GRID2: variants seen among roughly 807,000 people sequenced by gnomAD.
GRID2 encodes glutamate receptor ionotropic, delta-2.
A neutral mutation model predicts 114.8 loss-of-function variants in GRID2; 33 were observed. The observed-to-expected ratio is 0.29, with a 90% CI of 0.22 to 0.38. The LOEUF is 0.38. GRID2 is among the 10% of genes least tolerant of loss of function. The pLI is 1.00. For missense variants in GRID2, 1,184 were observed against 1,257.7 expected (o/e 0.94, Z 0.89); for synonymous variants, 505 against 449.9 (o/e 1.12, Z -1.55).
chr4:92,981,098 C>T (rs1007728262), intron 2 of GRID2, among the ~76,000 whole-genome samples: 1 of 151,982 alleles, frequency 6.6e-6, no homozygotes, highest in African/African-American at 2.4e-5. Context: ...ATTACCCATG[C>T]CTCAATACCA....
intron 2 of GRID2, among the ~76,000 whole-genome samples, chr4:92,743,481 C>A (rs998123942): frequency 6.6e-6 from 1 of 152,084 alleles, no homozygotes; most frequent in Admixed American, 6.6e-5. Context: ...AGTTGACAGC[C>A]AATGCTATGT....
rs552724907 is a variant in GRID2, at chr4:93,725,619, A to G, written c.2361-43591A>G. On this transcript the variant is annotated intron_variant, in intron 14 of 15. Transcript: ENST00000282020. ...CCACCAACAGTGTAAAAGTGTTCCT[A>G]TTTCTCCACATCCTCTCCAGCACCT... Among the ~76,000 whole-genome samples the G allele has an allele frequency of 5.5e-4, 82 of 149,464 alleles. 1 individual carries two copies. The highest frequency in any genetic ancestry group is 1.9e-4 in the East Asian group (1 of 5,188).
In GRID2 at chr4:93,497,633, G is replaced by T. The variant is rs1218577773; in HGVS notation, c.1997+6856G>T. Among the ~76,000 whole-genome samples the T allele has an allele frequency of 2.6e-5, 4 of 151,096 alleles. No homozygotes were observed. The East Asian group carries it at 5.9e-4, about 22-fold the overall frequency. ...TATCCTTTCTTCATTGAATTGTTTT[G>T]CACCTTTGTACAAAAAAAAAAATCT... On this transcript the variant is annotated intron_variant, in intron 12 of 15. Coordinates refer to ENST00000282020, the MANE Select transcript of GRID2 (RefSeq NM_001510.4).
At chr4:93,439,253 G>A (rs149827691) in intron 10 of GRID2, among the ~76,000 whole-genome samples, 2,327 of 152,122 alleles carry the variant, frequency 0.015, 19 homozygotes, top group South Asian at 0.055. Flanking sequence ...CTGAGGAATC[G>A]CCACACTGAC....
At chr4:92,405,473 A>T (rs1260127415) in intron 1 of GRID2, among the ~76,000 whole-genome samples, 1 of 152,196 alleles carries the variant, frequency 6.6e-6, no homozygotes, top group Non-Finnish European at 1.5e-5. Context: ...TAGAAAAGAA[A>T]AAAGTAATAT....
chr4:93,536,119 GC>G (rs1732041789), intron 13 of GRID2, among the ~76,000 whole-genome samples: 1 of 151,892 alleles, frequency 6.6e-6, no homozygotes, highest in Non-Finnish European at 1.5e-5. Flanking sequence ...TTGTTTAAAT[GC>G]CCGTAGTACC....
At chr4:92,932,485 T>C (rs1224710577) in intron 2 of GRID2, among the ~76,000 whole-genome samples, 1 of 151,322 alleles carries the variant, frequency 6.6e-6, no homozygotes, top group Non-Finnish European at 1.5e-5. Context: ...AAAATGTATG[T>C]GAAATAGTAC....
rs151323259 is a variant in GRID2, at chr4:93,515,780, C to A, written c.2193+369C>A. Among the ~76,000 whole-genome samples, 291 of 152,268 alleles carry A rather than the reference C, an allele frequency of 1.9e-3. 1 individual carries two copies. The East Asian group carries it at 0.038, about 20-fold the overall frequency. ...TAAATGACTCAGGGTATTTTCTACACTACACTTGTTTTTGGATTAAACCGT... is the reference window on the plus strand; with the variant it reads ...TAAATGACTCAGGGTATTTTCTACAATACACTTGTTTTTGGATTAAACCGT... On this transcript the variant is annotated intron_variant, in intron 13 of 15. Transcript: ENST00000282020.
intron 1 of GRID2, among the ~76,000 whole-genome samples, chr4:92,449,383 G>A (rs1366904405): frequency 6.6e-6 from 1 of 151,890 alleles, no homozygotes; most frequent in Non-Finnish European, 1.5e-5. Flanking sequence ...TATAAAATAT[G>A]ATAGTTGAAA....
intron 8 of GRID2, among the ~76,000 whole-genome samples, chr4:93,346,269 C>T (rs2149253892): frequency 6.6e-6 from 1 of 152,050 alleles, no homozygotes; most frequent in Non-Finnish European, 1.5e-5. Flanking sequence ...TAATGAAAAG[C>T]AAAGAGAAAA....
chr4:93,607,270 C>A (rs1740347091), intron 13 of GRID2, among the ~76,000 whole-genome samples: 1 of 152,010 alleles, frequency 6.6e-6, no homozygotes, highest in Admixed American at 6.6e-5. Context: ...TTATATAAGT[C>A]CTGGTCATTG....
intron 13 of GRID2, among the ~76,000 whole-genome samples, chr4:93,578,207 G>C (rs372717471): frequency 6.6e-6 from 1 of 152,096 alleles, no homozygotes; most frequent in Non-Finnish European, 1.5e-5. Flanking sequence ...TTGTCTGCAC[G>C]GGATTGCGCT....
chr4:93,808,419 T>G (rs867538927), exon 2 of GRID2: 1 of 142,252 alleles, frequency 7.0e-6, no homozygotes, highest in Middle Eastern at 3.5e-3. Context: ...CTTTGTAAAC[T>G]TTGTTATTTT....
chr4:93,419,204 A>G (rs962351621), intron 9 of GRID2, among the ~76,000 whole-genome samples: 3 of 150,756 alleles, frequency 2.0e-5, no homozygotes, highest in Admixed American at 6.6e-5. Context: ...TACATGCCCC[A>G]CTAATAGGGT....
intron 13 of GRID2, among the ~76,000 whole-genome samples, chr4:93,546,606 C>T (rs1733239912): frequency 1.3e-5 from 2 of 152,082 alleles, no homozygotes; most frequent in Non-Finnish European, 2.9e-5. Context: ...TATAAAAGTG[C>T]TCTGTGAACA....
chr4:93,168,210 GA>G (rs2149417914), intron 4 of GRID2, among the ~76,000 whole-genome samples: 1 of 144,106 alleles, frequency 6.9e-6, no homozygotes, highest in Non-Finnish European at 1.5e-5. Flanking sequence ...TCAAAAGAAA[GA>G]AAAGGGAAGG....
At chr4:93,535,083 T>G (rs1343103410) in intron 13 of GRID2, among the ~76,000 whole-genome samples, 1 of 152,028 alleles carries the variant, frequency 6.6e-6, no homozygotes, top group Non-Finnish European at 1.5e-5. Context: ...GTTTAATTTT[T>G]TTTAGATTCC....
rs990693653 is a variant in GRID2 at position 92,735,835 on chromosome 4, A to G, written c.244+145549A>G. Among the ~76,000 whole-genome samples, 10 of 152,232 alleles carry G rather than the reference A, an allele frequency of 6.6e-5. No individual in the cohort carries two copies. In the East Asian group the frequency reaches 9.7e-4, roughly 15 times the overall value. ...AGTACTTGTTCTCAACTAATAATCA[A>G]TGAAGCCATATAAGTTTGGATCTTG... On this transcript the variant is annotated intron_variant, in intron 2 of 15. Transcript: ENST00000282020.
At chr4:92,353,127 A>G (rs544089728) in intron 1 of GRID2, among the ~76,000 whole-genome samples, 28 of 151,824 alleles carry the variant, frequency 1.8e-4, no homozygotes, top group African/African-American at 6.5e-4. Context: ...TGCCTACTCA[A>G]TTCTGCTTTT....
Sources: gnomAD v4.1 joint callset for allele counts (sites outside exome capture counted in the v4.1 genomes callset) on GRCh38, gnomAD v4.1.1 for gene constraint, MANE v1.5 for transcripts, NCBI Gene and HGNC (gene_info 2026-07-23, HGNC 2026-07-21) for gene names.